The following RNF112 variants were observed in gnomAD, a reference collection of about 807,000 sequenced individuals.
The protein encoded by RNF112 is ring finger protein 112.
RNF112 carries 34 observed loss-of-function variants against 64.7 expected under a neutral mutation model. The observed-to-expected ratio is 0.53, with a 90% CI of 0.40 to 0.70. The LOEUF is 0.70. Among genes scored for constraint, RNF112 ranks in the 30% least tolerant of loss-of-function variants. The pLI is 0.00. For synonymous variants in RNF112, 345 were observed against 344.5 expected (o/e 1.00, Z -0.02); for missense variants, 734 against 850.0 (o/e 0.86, Z 1.70).
In RNF112 at chr17:19,416,204, G is replaced by A. The variant is rs1913890530; in HGVS notation, c.*29G>A. ...CCCCAGGAGGTATTGAAGGACAGGA[G>A]AGATGTCAGGTGGGGATGAAGAAGA... On this transcript the variant is annotated 3_prime_UTR_variant, in exon 14 of 14. Transcript: ENST00000461366. 6.6e-7 allele frequency: 1 copy of A among 1,513,254 alleles called. No homozygotes were observed. 93.7% of individuals were successfully genotyped at this position (1,513,254 alleles called of 1,614,324 possible). A position where few individuals can be genotyped will look rare whatever the true frequency, so the allele number is the denominator to read the frequency against.
In RNF112 at chr17:19,411,281, C is replaced by T. The variant is rs1247728722; in HGVS notation, c.-128C>T. 1 of 775,186 alleles carries T rather than the reference C, an allele frequency of 1.3e-6. No individual in the cohort carries two copies. Among genetic ancestry groups the T allele is most frequent in the Non-Finnish European group, 2.1e-6 (1 of 478,868 alleles). The allele number at this position is 775,186 out of a possible 1,614,324, so 48.0% of individuals were successfully genotyped here. A position where few individuals can be genotyped will look rare whatever the true frequency, so the allele number is the denominator to read the frequency against. On this transcript the variant is annotated 5_prime_UTR_variant, in exon 1 of 14. Transcript: ENST00000461366. ...GGAGTCAGCTCCTCGGGGATACCAT[C>T]CCCCGACCTCACCTTCTACCTACCG... is the stretch of plus-strand genomic sequence containing the variant.
At position 19,415,579 on chromosome 17, in the gene RNF112, A is replaced by G; in HGVS notation, c.1412A>G (p.Tyr471Cys). 6.2e-7 allele frequency: 1 copy of G among 1,612,674 alleles called. No individual in the cohort carries two copies. The highest frequency in any genetic ancestry group is 8.5e-7 in the Non-Finnish European group (1 of 1,179,470). ...VEAAKREFEEYVRQQDVATKR... is the reference protein window; with the variant it reads ...VEAAKREFEECVRQQDVATKR... ...GCTGCCAAGAGGGAGTTCGAGGAGT[A>G]TGTGAGGCAGCAGGTGAGCCCCGGG... The change falls in exon 13 of 14, where the codon TAT becomes TGT. Residue 471 changes from tyrosine (Y) to cysteine (C), a missense_variant. Tyr to Cys is a radical substitution (Grantham distance 194). Coordinates refer to ENST00000461366, the MANE Select transcript of RNF112 (RefSeq NM_007148.5). This position sits in a 1 kb window ranked among gnomAD's most constrained non-coding sequence, Gnocchi z 7.8.
rs571975713 is a variant in RNF112, at chr17:19,411,361, C to T, written c.-48C>T. The T allele has an allele frequency of 1.6e-5, 26 of 1,582,986 alleles. No homozygotes were observed. The highest frequency in any genetic ancestry group is 1.7e-4 in the Middle Eastern group (1 of 6,022). ...CATCCTTACCTCTGGTTGAAGGTCT[C>T]GGGGCCTCCCCCTCTGCATCCGGAC... On this transcript the variant is annotated 5_prime_UTR_variant, in exon 1 of 14. Coordinates refer to ENST00000461366, the MANE Select transcript of RNF112 (RefSeq NM_007148.5).
rs374810053 is a variant in RNF112, at chr17:19,414,817, G to T, written c.1056G>T (p.Lys352Asn). 6.2e-6 allele frequency: 10 copies of T among 1,613,672 alleles called. No individual in the cohort carries two copies. The highest frequency in any genetic ancestry group is 8.5e-7 in the Non-Finnish European group (1 of 1,179,866). ...YPKVQELLQG[K>N]RARCCLLPAP... Reference sequence around the variant, plus strand: ...AGGTGCAGGAGCTGCTGCAAGGGAAGCGAGCCCGTTGCTGCCTCTTGCCTG... The same window carrying T: ...AGGTGCAGGAGCTGCTGCAAGGGAATCGAGCCCGTTGCTGCCTCTTGCCTG... Residue 352 changes from lysine (K) to asparagine (N), a missense_variant, in exon 10 of 14, where the codon AAG becomes AAT. Coordinates refer to ENST00000461366, the MANE Select transcript of RNF112 (RefSeq NM_007148.5).
chr17:19,411,817 G>T, intron 2 of RNF112, 147 bp downstream of exon 2: 1 of 842,748 alleles, frequency 1.2e-6, no homozygotes. Flanking sequence ...TGGAGGGAGG[G>T]ACAGGAAGAA....
rs758870009 is a variant in RNF112, at chr17:19,415,695, C to T, written c.1426-10C>T. 25 of 1,602,538 alleles carry T rather than the reference C, an allele frequency of 1.6e-5. No homozygotes were observed. Among genetic ancestry groups the T allele is most frequent in the Non-Finnish European group, 1.8e-5 (21 of 1,173,474 alleles). On this transcript the variant is annotated splice_polypyrimidine_tract_variant and intron_variant, in intron 13 of 13. Coordinates refer to ENST00000461366, the MANE Select transcript of RNF112 (RefSeq NM_007148.5). This position sits in a 1 kb window ranked among gnomAD's most constrained non-coding sequence, Gnocchi z 7.8. ...GGTCAGGGCACCTTCTTTTCCCCTCCCTGTCACAGGACGTAGCCACCAAGC... is the reference window on the plus strand; with the variant it reads ...GGTCAGGGCACCTTCTTTTCCCCTCTCTGTCACAGGACGTAGCCACCAAGC...
Position 19,411,306 on chromosome 17 carries a change from G to A in RNF112, c.-103G>A, listed in dbSNP as rs529815053. The A allele has an allele frequency of 6.4e-5, 72 of 1,118,278 alleles. No individual in the cohort carries two copies. In the African/African-American group the frequency reaches 7.7e-4, roughly 12 times the overall value. The allele number at this position is 1,118,278 out of a possible 1,614,324, so 69.3% of individuals were successfully genotyped here. A position where few individuals can be genotyped will look rare whatever the true frequency, so the allele number is the denominator to read the frequency against. ...CCCCCGACCTCACCTTCTACCTACC[G>A]CAGCCTGCTAGCCTTTCCGGGAGAA... On this transcript the variant is annotated 5_prime_UTR_variant, in exon 1 of 14. Coordinates refer to ENST00000461366, the MANE Select transcript of RNF112 (RefSeq NM_007148.5).
chr17:19,411,924 C>A, intron 2 of RNF112: 1 of 590,656 alleles, frequency 1.7e-6, no homozygotes, highest in East Asian at 2.9e-5. Flanking sequence ...GCAGCACAGG[C>A]TGATGGCTTC....
Position 19,411,295 on chromosome 17 carries a change from T to TA in RNF112, c.-114_-113insA. 1.1e-6 allele frequency: 1 copy of TA among 951,698 alleles called. No homozygotes were observed. Among genetic ancestry groups the TA allele is most frequent in the South Asian group, 1.5e-5 (1 of 64,574 alleles). The allele number at this position is 951,698 out of a possible 1,614,324, so 59.0% of individuals were successfully genotyped here. A position where few individuals can be genotyped will look rare whatever the true frequency, so the allele number is the denominator to read the frequency against. ...GGGGATACCATCCCCCGACCTCACC[T>TA]TCTACCTACCGCAGCCTGCTAGCCT... On this transcript the variant is annotated 5_prime_UTR_variant, in exon 1 of 14. Coordinates refer to ENST00000461366, the MANE Select transcript of RNF112 (RefSeq NM_007148.5).
intron 1 of RNF112, 65 bp downstream of exon 1, chr17:19,411,527 G>C: frequency 1.2e-6 from 1 of 826,810 alleles, no homozygotes; most frequent in Non-Finnish European, 1.9e-6. Context: ...TGGGCTGGGG[G>C]ATGGGCCGGG....
Position 19,413,747 on chromosome 17 carries a change from G to A in RNF112, c.825+66G>A, listed in dbSNP as rs1913764923. ...CCCTTCTCCAGCTCAGCTTCCTCAA[G>A]GCCAGAGCATCTCACAGGCTTTGGT... On this transcript the variant is annotated intron_variant, in intron 6 of 13. Transcript: ENST00000461366. The surrounding 1 kb of genome is among the most constrained non-coding windows in gnomAD (Gnocchi z 5.9). 3 of 1,234,368 alleles carry A rather than the reference G, an allele frequency of 2.4e-6. No homozygotes were observed. The highest frequency in any genetic ancestry group is 1.4e-5 in the South Asian group (1 of 72,254). 76.5% of individuals were successfully genotyped at this position (1,234,368 alleles called of 1,614,324 possible).
Position 19,415,127 on chromosome 17 carries a change from G to T in RNF112, c.1216G>T (p.Gly406Trp). 6.2e-7 allele frequency: 1 copy of T among 1,608,982 alleles called. No individual in the cohort carries two copies. The highest frequency in any genetic ancestry group is 8.5e-7 in the Non-Finnish European group (1 of 1,178,812). Reference protein sequence around the residue: ...APQHAKSRCQGYWNEGRAVAR... With the variant: ...APQHAKSRCQWYWNEGRAVAR... ...CCAGCACGCTAAGAGCCGCTGCCAG[G>T]GGTACTGGAACGAGGGGCGCGCCGT... The change falls in exon 11 of 14, where the codon GGG becomes TGG. Residue 406 changes from glycine to tryptophan, a missense_variant. Gly to Trp is a radical substitution (Grantham distance 184, BLOSUM62 -2). Coordinates refer to ENST00000461366, the MANE Select transcript of RNF112 (RefSeq NM_007148.5). The surrounding 1 kb of genome is among the most constrained non-coding windows in gnomAD (Gnocchi z 7.8).
Position 19,415,094 on chromosome 17 carries a change from G to T in RNF112, c.1183G>T (p.Ala395Ser), listed in dbSNP as rs369224149. Residue 395 changes from alanine (A) to serine (S), a missense_variant, in exon 11 of 14, where the codon GCG (alanine) becomes TCG (serine). Physicochemically the swap from Ala to Ser is moderately conservative, Grantham distance 99. Transcript: ENST00000461366. The surrounding 1 kb of genome is among the most constrained non-coding windows in gnomAD (Gnocchi z 7.8). ...GGCCTACGTCTCAGATGTGCTGAGT[G>T]CGGCCCCCCAGCACGCTAAGAGCCG... is the stretch of plus-strand genomic sequence containing the variant. Reference protein sequence around the residue: ...LGAYVSDVLSAAPQHAKSRCQ... With the variant: ...LGAYVSDVLSSAPQHAKSRCQ... 1 of 1,605,228 alleles carries T rather than the reference G, an allele frequency of 6.2e-7. No individual in the cohort carries two copies. Among genetic ancestry groups the T allele is most frequent in the Non-Finnish European group, 8.5e-7 (1 of 1,177,482 alleles).
chr17:19,412,440 CG>C lies in RNF112; in HGVS notation c.96-56del. ...ATCAGTCTTCCACCACAACCCTGGC[CG>C]GTACCCCCTGCCCCCAATAGACATC... is the stretch of plus-strand genomic sequence containing the variant. On this transcript the variant is annotated intron_variant, in intron 2 of 13. Coordinates refer to ENST00000461366, the MANE Select transcript of RNF112 (RefSeq NM_007148.5). This position sits in a 1 kb window ranked among gnomAD's most constrained non-coding sequence, Gnocchi z 5.1. The C allele has an allele frequency of 1.3e-6, 2 of 1,559,914 alleles. No individual in the cohort carries two copies. Among genetic ancestry groups the C allele is most frequent in the Non-Finnish European group, 1.7e-6 (2 of 1,153,602 alleles).
At chr17:19,414,316 CAGG>C in intron 7 of RNF112, 130 bp from the exon 8 acceptor site, 1 of 1,165,166 alleles carries the variant, frequency 8.6e-7, no homozygotes, top group Non-Finnish European at 1.3e-6. Context: ...TGGGGAGAGG[CAGG>C]AGAACCCCAG....
rs116551857 is a variant in RNF112, at chr17:19,414,909, A to G, written c.1126+22A>G. On this transcript the variant is annotated intron_variant, in intron 10 of 13. Transcript: ENST00000461366. The stretch of plus-strand genomic sequence containing the variant: ...GGTGGTGAGTGTCTCTGAGAGCTGA[A>G]CCTCTCTTGCGCTGCTCCCAGCTCC... The G allele has an allele frequency of 4.8e-4, 771 of 1,609,990 alleles. 7 individuals are homozygous for G. The African/African-American group carries it at 9.4e-3, about 20-fold the overall frequency.
chr17:19,414,342 G>A (rs1324214785), intron 7 of RNF112, 107 bp from the exon 8 acceptor site: 1 of 1,384,118 alleles, frequency 7.2e-7, no homozygotes, highest in Non-Finnish European at 1.0e-6. Flanking sequence ...TGCAAAAGGG[G>A]GAGCCTAGCT....
At position 19,413,146 on chromosome 17, in the gene RNF112, TG is replaced by T. The variant is rs765239108; in HGVS notation, c.588+3del. The T allele has an allele frequency of 6.2e-7, 1 of 1,610,068 alleles. No homozygotes were observed. Among genetic ancestry groups the T allele is most frequent in the South Asian group, 1.1e-5 (1 of 90,826 alleles). Reference sequence around the variant, plus strand: ...TTGCTTCAGGGCTTGCCGGGCCTGGTGAGGGCGGGGCGGGGCAGGAGGGAGG... The same window carrying T: ...TTGCTTCAGGGCTTGCCGGGCCTGGTAGGGCGGGGCGGGGCAGGAGGGAGG... On this transcript the variant is annotated splice_donor_region_variant and intron_variant, in intron 4 of 13. Coordinates refer to ENST00000461366, the MANE Select transcript of RNF112 (RefSeq NM_007148.5). This position sits in a 1 kb window ranked among gnomAD's most constrained non-coding sequence, Gnocchi z 5.9.
At chr17:19,414,683 G>T in intron 9 of RNF112, 23 bp downstream of exon 9, 1 of 1,610,674 alleles carries the variant, frequency 6.2e-7, no homozygotes, top group Non-Finnish European at 8.5e-7. Context: ...AGGGGATGGG[G>T]TGGAGGGGCC....
Sources: gnomAD v4.1 joint callset for allele counts on GRCh38, gnomAD v4.1.1 for gene constraint, Gnocchi (gnomAD v3.1) non-coding constraint, MANE v1.5 for transcripts, NCBI Gene and HGNC (gene_info 2026-07-23, HGNC 2026-07-21) for gene names.